KLHL21: variants seen among roughly 807,000 people sequenced by gnomAD.
KLHL21 encodes the protein kelch like family member 21.
A neutral mutation model predicts 44.1 loss-of-function variants in KLHL21; 42 were observed. The ratio of observed to expected loss-of-function variants is 0.95; its 90% CI spans 0.74 to 1.23. The LOEUF is 1.23. Among genes scored for constraint, KLHL21 ranks in the 50% most tolerant of loss-of-function variants. The pLI is 0.00. For synonymous variants in KLHL21, 524 were observed against 411.6 expected, an observed-to-expected ratio of 1.27 and a Z score of -3.31; for missense variants, 918 against 889.1, an observed-to-expected ratio of 1.03 and a Z score of -0.41.
At position 6,602,647 on chromosome 1, in the gene KLHL21, G is replaced by GGCGGCGGCCA; in HGVS notation, c.161_170dup (p.Ser58GlyfsTer53). The GGCGGCGGCCA allele has an allele frequency of 6.6e-7, 1 of 1,516,026 alleles. No individual in the cohort carries two copies. The highest frequency in any genetic ancestry group is 8.8e-7 in the Non-Finnish European group (1 of 1,138,786). The allele number at this position is 1,516,026 out of a possible 1,614,324, so 93.9% of individuals were successfully genotyped here. A position where few individuals can be genotyped will look rare whatever the true frequency, so the allele number is the denominator to read the frequency against. On this transcript the variant is annotated frameshift_variant, in exon 1 of 4. Transcript: ENST00000377658. LOFTEE classifies it high-confidence loss of function. ...CGAACATGGCGCGGAAGTAGGGGCTGGCGGCGGCCAGCACCGCACGGTGCG... is the reference window on the plus strand; with the variant it reads ...CGAACATGGCGCGGAAGTAGGGGCTGGCGGCGGCCAGCGGCGGCCAGCACCGCACGGTGCG...
chr1:6,600,555 C>T (rs1432418394), intron 1 of KLHL21, among the ~76,000 whole-genome samples: 2 of 152,194 alleles, frequency 1.3e-5, no homozygotes, highest in African/African-American at 4.8e-5. Context: ...AAAGCAAGTT[C>T]TTGTTCTTAG....
Position 6,595,563 on chromosome 1 carries a change from G to C in KLHL21, c.1428-6C>G, listed in dbSNP as rs1557432780. 6.2e-7 allele frequency: 1 copy of C among 1,612,892 alleles called. No homozygotes were observed. The highest frequency in any genetic ancestry group is 1.1e-5 in the South Asian group (1 of 90,970). ...CCACCTCAGCGGAGTCATCCCTGTG[G>C]AGGGGGCAGCAGGAGGACAACTGCT... is the stretch of plus-strand genomic sequence containing the variant. On this transcript the variant is annotated splice_region_variant and splice_polypyrimidine_tract_variant and intron_variant, in intron 2 of 3. Coordinates refer to ENST00000377658, the MANE Select transcript of KLHL21 (RefSeq NM_014851.4).
At chr1:6,601,149 C>A (rs779875350) in intron 1 of KLHL21, among the ~76,000 whole-genome samples, 1 of 152,194 alleles carries the variant, frequency 6.6e-6, no homozygotes, top group Non-Finnish European at 1.5e-5. Flanking sequence ...TAATAAAAAC[C>A]GTAGAAGCCC....
Position 6,591,535 on chromosome 1 carries a change from G to A in KLHL21, c.*1830C>T, listed in dbSNP as rs1327103546. On this transcript the variant is annotated 3_prime_UTR_variant, in exon 4 of 4. Coordinates refer to ENST00000377658, the MANE Select transcript of KLHL21 (RefSeq NM_014851.4). ...GGTGCCCAGCTCAGTGCCTGGAACG[G>A]TCAGGGATTGAGGGCGTAGCCAACC... 6.6e-6 allele frequency: 1 copy of A among 152,576 alleles called. No homozygotes were observed. Among genetic ancestry groups the A allele is most frequent in the Non-Finnish European group, 1.5e-5 (1 of 68,282 alleles). 9.5% of individuals were successfully genotyped at this position (152,576 alleles called of 1,614,324 possible).
chr1:6,599,525 C>T (rs937589225), intron 1 of KLHL21, 73 bp from the exon 2 acceptor site: 22 of 1,451,964 alleles, frequency 1.5e-5, no homozygotes, highest in African/African-American at 4.2e-5. Flanking sequence ...CCCGAACTTC[C>T]GCAAGGGCCT....
chr1:6,601,292 T>G (rs781194344), intron 1 of KLHL21, among the ~76,000 whole-genome samples: 2 of 152,222 alleles, frequency 1.3e-5, no homozygotes, highest in Non-Finnish European at 2.9e-5. Flanking sequence ...AAACACCATG[T>G]GACCAGAGCA....
rs774001863 is a variant in KLHL21 at position 6,593,337 on chromosome 1, C to T, written c.*28G>A. ...CCCGCAGAGGTGCCAGTTACCTGCACCGAGGCCCGTGCCGGGCCAGACTGG... is the reference window on the plus strand; with the variant it reads ...CCCGCAGAGGTGCCAGTTACCTGCATCGAGGCCCGTGCCGGGCCAGACTGG... On this transcript the variant is annotated 3_prime_UTR_variant, in exon 4 of 4. Transcript: ENST00000377658. 3.2e-6 allele frequency: 5 copies of T among 1,541,940 alleles called. No individual in the cohort carries two copies. The highest frequency in any genetic ancestry group is 2.3e-5 in the East Asian group (1 of 44,222).
Position 6,592,332 on chromosome 1 carries a change from CTT to C in KLHL21, c.*1031_*1032del, listed in dbSNP as rs1640862040. Reference sequence around the variant, plus strand: ...ACTCAAGCCAAGGCTACTTTGGGTACTTTGAGGGGAAACTGACCATTTCCAAG... The same window carrying C: ...ACTCAAGCCAAGGCTACTTTGGGTACTGAGGGGAAACTGACCATTTCCAAG... On this transcript the variant is annotated 3_prime_UTR_variant, in exon 4 of 4. Transcript: ENST00000377658. The C allele has an allele frequency of 6.6e-6, 1 of 152,234 alleles. No homozygotes were observed. The highest frequency in any genetic ancestry group is 1.5e-5 in the Non-Finnish European group (1 of 68,040). The allele number at this position is 152,234 out of a possible 1,614,324, so 9.4% of individuals were successfully genotyped here.
At position 6,602,202 on chromosome 1, in the gene KLHL21, CCCAGCGCAGCG is replaced by C. The variant is rs778998526; in HGVS notation, c.605_615del (p.Ala202GlyfsTer4). 1 of 1,510,544 alleles carries C rather than the reference CCCAGCGCAGCG, an allele frequency of 6.6e-7. No individual in the cohort carries two copies. The highest frequency in any genetic ancestry group is 1.2e-5 in the South Asian group (1 of 80,948). The allele number at this position is 1,510,544 out of a possible 1,614,324, so 93.6% of individuals were successfully genotyped here. A position where few individuals can be genotyped will look rare whatever the true frequency, so the allele number is the denominator to read the frequency against. ...GCGCGGCGCGGCGGGTCAGCGCGGA[CCCAGCGCAGCG>C]CCAGCTGGTAGGCGGCCTCCTCCTT... On this transcript the variant is annotated frameshift_variant, in exon 1 of 4. Transcript: ENST00000377658. LOFTEE classifies it high-confidence loss of function.
At chr1:6,599,962 T>C (rs924664572) in intron 1 of KLHL21, 6 of 155,230 alleles carry the variant, frequency 3.9e-5, no homozygotes, top group Non-Finnish European at 7.2e-5. Context: ...TCGATTCTGG[T>C]GCAGGTTACA....
rs1298475507 is a variant in KLHL21 at position 6,591,789 on chromosome 1, G to GC, written c.*1575dup. 6.5e-6 allele frequency: 1 copy of GC among 153,270 alleles called. No individual in the cohort carries two copies. The highest frequency in any genetic ancestry group is 1.9e-4 in the East Asian group (1 of 5,212). 9.5% of individuals were successfully genotyped at this position (153,270 alleles called of 1,614,324 possible). A position where few individuals can be genotyped will look rare whatever the true frequency, so the allele number is the denominator to read the frequency against. Reference sequence around the variant, plus strand: ...GGAAAAGGTCCAGGGCACAGGGCAAGCAACAGTGCCAGAGGGTGCCTGGTC... The same window carrying GC: ...GGAAAAGGTCCAGGGCACAGGGCAAGCCAACAGTGCCAGAGGGTGCCTGGTC... On this transcript the variant is annotated 3_prime_UTR_variant, in exon 4 of 4. Coordinates refer to ENST00000377658, the MANE Select transcript of KLHL21 (RefSeq NM_014851.4).
intron 1 of KLHL21, among the ~76,000 whole-genome samples, chr1:6,600,094 G>A (rs1006123137): frequency 6.6e-6 from 1 of 151,990 alleles, no homozygotes; most frequent in African/African-American, 2.4e-5. Context: ...CACCCAGACT[G>A]GAGTGCAGCG....
chr1:6,593,683 T>C, intron 3 of KLHL21, 25 bp from the exon 4 acceptor site: 1 of 1,547,822 alleles, frequency 6.5e-7, no homozygotes, highest in Non-Finnish European at 8.7e-7. Flanking sequence ...GATGAGTGAG[T>C]GGAGGTCAGA....
Position 6,602,462 on chromosome 1 carries a change from G to A in KLHL21, c.356C>T (p.Pro119Leu). ...LLRAADLLQFPAVKEACGAFL... is the reference protein window; with the variant it reads ...LLRAADLLQFLAVKEACGAFL... ...GGCCCCGCACGCCTCCTTCACGGCCGGGAACTGCAGCAGGTCGGCGGCGCG... is the reference window on the plus strand; with the variant it reads ...GGCCCCGCACGCCTCCTTCACGGCCAGGAACTGCAGCAGGTCGGCGGCGCG... Residue 119 changes from proline to leucine, a missense_variant, in exon 1 of 4, where the codon CCG becomes CTG. Physicochemically the swap from Pro to Leu is moderately conservative, Grantham distance 98 (BLOSUM62 -3). Transcript: ENST00000377658. 1.9e-6 allele frequency: 3 copies of A among 1,575,676 alleles called. No homozygotes were observed. Among genetic ancestry groups the A allele is most frequent in the Non-Finnish European group, 2.6e-6 (3 of 1,167,082 alleles).
chr1:6,590,814 AAAAT>A lies in KLHL21; in HGVS notation c.*2547_*2550del. Reference sequence around the variant, plus strand: ...GACATGGAAGCCTACAGAATAGACAAAAATAAATATGTCAACCTGCCCGACCCTC... The same window carrying A: ...GACATGGAAGCCTACAGAATAGACAAAAATATGTCAACCTGCCCGACCCTC... On this transcript the variant is annotated 3_prime_UTR_variant, in exon 4 of 4. Coordinates refer to ENST00000377658, the MANE Select transcript of KLHL21 (RefSeq NM_014851.4). The A allele has an allele frequency of 5.0e-6, 2 of 397,708 alleles. No individual in the cohort carries two copies. Among genetic ancestry groups the A allele is most frequent in the Non-Finnish European group, 8.9e-6 (2 of 225,750 alleles). The allele number at this position is 397,708 out of a possible 1,614,324, so 24.6% of individuals were successfully genotyped here.
In KLHL21 at chr1:6,602,427, G is replaced by T; in HGVS notation, c.391C>A (p.Gln131Lys). The T allele has an allele frequency of 6.3e-7, 1 of 1,594,730 alleles. No homozygotes were observed. Among genetic ancestry groups the T allele is most frequent in the East Asian group, 2.3e-5 (1 of 44,024 alleles). Residue 131 changes from glutamine to lysine, a missense_variant, in exon 1 of 4, where the codon CAG (glutamine) becomes AAG (lysine). Gln to Lys is a moderately conservative substitution (Grantham distance 53). Coordinates refer to ENST00000377658, the MANE Select transcript of KLHL21 (RefSeq NM_014851.4). ...AGGCAGTTGGCCAGGTCGAGCTGCT[G>T]CTGCAGGAAGGCCCCGCACGCCTCC... ...VKEACGAFLQ[Q>K]QLDLANCLDM...
chr1:6,595,568 G>C lies in KLHL21; in HGVS notation c.1428-11C>G. The C allele has an allele frequency of 2.5e-6, 4 of 1,611,788 alleles. No individual in the cohort carries two copies. The highest frequency in any genetic ancestry group is 3.4e-6 in the Non-Finnish European group (4 of 1,178,654). On this transcript the variant is annotated splice_polypyrimidine_tract_variant and intron_variant, in intron 2 of 3. Coordinates refer to ENST00000377658, the MANE Select transcript of KLHL21 (RefSeq NM_014851.4). Reference sequence around the variant, plus strand: ...TCAGCGGAGTCATCCCTGTGGAGGGGGCAGCAGGAGGACAACTGCTCAGAG... The same window carrying C: ...TCAGCGGAGTCATCCCTGTGGAGGGCGCAGCAGGAGGACAACTGCTCAGAG...
Position 6,590,991 on chromosome 1 carries a change from A to G in KLHL21, c.*2374T>C, listed in dbSNP as rs1446912307. 2.5e-6 allele frequency: 1 copy of G among 398,586 alleles called. No homozygotes were observed. The highest frequency in any genetic ancestry group is 4.4e-6 in the Non-Finnish European group (1 of 226,086). The allele number at this position is 398,586 out of a possible 1,614,324, so 24.7% of individuals were successfully genotyped here. On this transcript the variant is annotated 3_prime_UTR_variant, in exon 4 of 4. Coordinates refer to ENST00000377658, the MANE Select transcript of KLHL21 (RefSeq NM_014851.4). The stretch of plus-strand genomic sequence containing the variant: ...TATAACTTAATTTGTGCTGTAGACA[A>G]AGTTCTGTACATGTAACATGTGGCC...
At position 6,602,841 on chromosome 1, in the gene KLHL21, G is replaced by A. The variant is rs1410499321; in HGVS notation, c.-24C>T. Reference sequence around the variant, plus strand: ...ATGGCGCCTTCGATAGGTTGTCGAGGACGCCGCGGCCGGGGCCTGCGGAGA... The same window carrying A: ...ATGGCGCCTTCGATAGGTTGTCGAGAACGCCGCGGCCGGGGCCTGCGGAGA... On this transcript the variant is annotated 5_prime_UTR_variant, in exon 1 of 4. Coordinates refer to ENST00000377658, the MANE Select transcript of KLHL21 (RefSeq NM_014851.4). The A allele has an allele frequency of 6.4e-6, 9 of 1,403,990 alleles. No individual in the cohort carries two copies. In the East Asian group the frequency reaches 9.0e-5, roughly 14 times the overall value. The allele number at this position is 1,403,990 out of a possible 1,614,324, so 87.0% of individuals were successfully genotyped here.
Sources: allele counts gnomAD v4.1 joint callset (sites outside exome capture counted in the v4.1 genomes callset), GRCh38; gene constraint gnomAD v4.1.1; transcripts MANE v1.5; gene names NCBI Gene and HGNC (gene_info 2026-07-23, HGNC 2026-07-21).